Variants in SCGB2B2 observed in about 807,000 individuals in gnomAD.
SCGB2B2 encodes secretoglobin family 2B member 2, also known as secretoglobin-like protein.
Under a neutral mutation model 7.6 loss-of-function variants are expected in SCGB2B2, and 11 were observed. That is an observed-to-expected ratio of 1.45 (90% CI 0.91 to 2.40). The LOEUF (loss-of-function observed/expected upper bound fraction) is 2.40. Among genes scored for constraint, SCGB2B2 ranks in the 30% most tolerant of loss-of-function variants. The probability of loss-of-function intolerance (pLI) is 0.00; values close to 1 mark genes in which losing one functional copy is unlikely to be tolerated. For synonymous variants in SCGB2B2, 50 were observed against 48.6 expected (o/e 1.03, Z -0.12); for missense variants, 104 against 115.4 (o/e 0.90, Z 0.45).
chr19:34,641,338 A>C (rs1359063278), intron 1 of SCGB2B2, among the ~76,000 whole-genome samples: 2 of 152,326 alleles, frequency 1.3e-5, no homozygotes, highest in Non-Finnish European at 2.9e-5. Context: ...GCAAGAATAC[A>C]ATTATTTAAC....
intron 1 of SCGB2B2, among the ~76,000 whole-genome samples, chr19:34,615,643 G>A (rs756760749): frequency 9.2e-5 from 14 of 152,000 alleles, no homozygotes; most frequent in Non-Finnish European, 1.8e-4. Flanking sequence ...TTATTTTCTT[G>A]TAGTGTCTTT....
intron 1 of SCGB2B2, among the ~76,000 whole-genome samples, chr19:34,673,409 C>T (rs538546521): frequency 6.6e-6 from 1 of 152,120 alleles, no homozygotes; most frequent in African/African-American, 2.4e-5. Context: ...AAAGGGGTCT[C>T]GATCCAGACC....
intron 1 of SCGB2B2, among the ~76,000 whole-genome samples, chr19:34,610,766 T>C (rs2065904130): frequency 7.6e-6 from 1 of 131,852 alleles, no homozygotes; most frequent in Non-Finnish European, 1.7e-5. Context: ...TATTGGCCTA[T>C]AGTTTTTTTT....
chr19:34,617,867 A>C (rs1307809503), intron 1 of SCGB2B2, among the ~76,000 whole-genome samples: 1 of 152,212 alleles, frequency 6.6e-6, no homozygotes, highest in Non-Finnish European at 1.5e-5. Context: ...GGAAAAGCGC[A>C]GTATTCGGGT....
chr19:34,633,742 A>G (rs1056531290), intron 1 of SCGB2B2, among the ~76,000 whole-genome samples: 3 of 152,168 alleles, frequency 2.0e-5, no homozygotes, highest in South Asian at 4.1e-4. Flanking sequence ...ATACATTTAC[A>G]TTTTAAATAT....
At chr19:34,666,215 C>T (rs2146175473) in intron 1 of SCGB2B2, among the ~76,000 whole-genome samples, 1 of 152,208 alleles carries the variant, frequency 6.6e-6, no homozygotes, top group Non-Finnish European at 1.5e-5. Flanking sequence ...GTCTCCCTGT[C>T]TCTCTCAGAC....
At chr19:34,660,310 T>G (rs2067416376) in intron 1 of SCGB2B2, among the ~76,000 whole-genome samples, 1 of 152,212 alleles carries the variant, frequency 6.6e-6, no homozygotes, top group Non-Finnish European at 1.5e-5. Context: ...AAAGAGCTTC[T>G]GCACAGCAAA....
intron 1 of SCGB2B2, among the ~76,000 whole-genome samples, chr19:34,647,822 C>T (rs2067062739): frequency 1.3e-5 from 2 of 152,178 alleles, no homozygotes; most frequent in Non-Finnish European, 2.9e-5. Flanking sequence ...GAAATGTGAT[C>T]GGGTGGGACT....
At position 34,592,570 on chromosome 19, in the gene SCGB2B2, G is replaced by A. The variant is rs920580847; in HGVS notation, c.*985C>T. Among the ~76,000 whole-genome samples the A allele has an allele frequency of 3.3e-5, 5 of 152,118 alleles. No homozygotes were observed. Among genetic ancestry groups the A allele is most frequent in the African/African-American group, 7.2e-5 (3 of 41,408 alleles). On this transcript the variant is annotated 3_prime_UTR_variant, in exon 4 of 4. Coordinates refer to ENST00000601241, the MANE Select transcript of SCGB2B2 (RefSeq NM_001025591.4). ...CGCCTGGGAGGTCCAAGGAGCCTGC[G>A]GAAAGGGCTTGAGGTTTGGGGAGGG...
intron 1 of SCGB2B2, chr19:34,645,330 C>A: frequency 6.5e-6 from 1 of 153,730 alleles, no homozygotes; most frequent in Non-Finnish European, 1.4e-5. Context: ...CACCACAGTG[C>A]TCAGCCCGTT....
intron 1 of SCGB2B2, among the ~76,000 whole-genome samples, chr19:34,654,505 T>A (rs978515483): frequency 6.6e-6 from 1 of 151,296 alleles, no homozygotes; most frequent in Non-Finnish European, 1.5e-5. Flanking sequence ...AACAAACATA[T>A]TAAATAATTG....
At chr19:34,656,266 A>C (rs2067280586) in intron 1 of SCGB2B2, among the ~76,000 whole-genome samples, 1 of 151,488 alleles carries the variant, frequency 6.6e-6, no homozygotes, top group Non-Finnish European at 1.5e-5. Context: ...ATTTCATTAA[A>C]TGCAAGTGAG....
At chr19:34,604,259 A>T (rs1446803005) in intron 1 of SCGB2B2, among the ~76,000 whole-genome samples, 1 of 152,308 alleles carries the variant, frequency 6.6e-6, no homozygotes, top group South Asian at 2.1e-4. Flanking sequence ...ATGGGATGTT[A>T]GCAGACAATA....
At chr19:34,672,216 G>GT (rs1322132484) in intron 1 of SCGB2B2, among the ~76,000 whole-genome samples, 2 of 141,460 alleles carry the variant, frequency 1.4e-5, no homozygotes, top group African/African-American at 5.4e-5. Context: ...TCGGTAATTT[G>GT]TTTTTTCTCA....
intron 1 of SCGB2B2, chr19:34,634,927 C>T: frequency 3.7e-6 from 1 of 269,310 alleles, no homozygotes; most frequent in Non-Finnish European, 7.8e-6. Flanking sequence ...TCTGTGCACT[C>T]ACAGCCTTTC....
chr19:34,593,077 C>T lies in SCGB2B2; in HGVS notation c.*478G>A, dbSNP rs961204515. On this transcript the variant is annotated 3_prime_UTR_variant, in exon 4 of 4. Coordinates refer to ENST00000601241, the MANE Select transcript of SCGB2B2 (RefSeq NM_001025591.4). ...GTGGCTCATGCCTCTAACCCTAGCA[C>T]GTTGGAGGTTGAGGTAGGTGGATCA... Among the ~76,000 whole-genome samples the T allele has an allele frequency of 7.2e-5, 11 of 152,106 alleles. No homozygotes were observed. The highest frequency in any genetic ancestry group is 3.3e-4 in the Admixed American group (5 of 15,270).
Position 34,592,764 on chromosome 19 carries a change from G to A in SCGB2B2, c.*791C>T, listed in dbSNP as rs1480121680. Among the ~76,000 whole-genome samples, 1 of 152,162 alleles carries A rather than the reference G, an allele frequency of 6.6e-6. No individual in the cohort carries two copies. The highest frequency in any genetic ancestry group is 1.5e-5 in the Non-Finnish European group (1 of 68,024). ...TCAATGTCCCCTGTCATGGTGACAT[G>A]GCCACACAGACCCATGGCCTCATGC... is the stretch of plus-strand genomic sequence containing the variant. On this transcript the variant is annotated 3_prime_UTR_variant, in exon 4 of 4. Transcript: ENST00000601241.
downstream of SCGB2B2, among the ~76,000 whole-genome samples, chr19:34,588,246 A>G (rs574573642): frequency 1.3e-5 from 2 of 152,308 alleles, no homozygotes; most frequent in South Asian, 2.1e-4. Context: ...TTTCAGTTCA[A>G]TCTTGGAAGG....
At chr19:34,662,452 G>A (rs977547280) in intron 1 of SCGB2B2, among the ~76,000 whole-genome samples, 2 of 150,608 alleles carry the variant, frequency 1.3e-5, no homozygotes, top group African/African-American at 4.9e-5. Context: ...TTTTCCAAAG[G>A]AATAAAACCA....
Sources: allele counts gnomAD v4.1 joint callset (sites outside exome capture counted in the v4.1 genomes callset), GRCh38; gene constraint gnomAD v4.1.1; transcripts MANE v1.5; gene names NCBI Gene and HGNC (gene_info 2026-07-23, HGNC 2026-07-21).